Variants in XKR4 observed in about 807,000 individuals in gnomAD.
XKR4 encodes the protein XK related 4.
A neutral mutation model predicts 53.9 loss-of-function variants in XKR4; 12 were observed. The ratio of observed to expected loss-of-function variants is 0.22; its 90% CI spans 0.14 to 0.36. The LOEUF is 0.36. XKR4 is among the 10% of genes least tolerant of loss of function. XKR4 has a pLI of 1.00. For missense variants in XKR4, 799 were observed against 859.5 expected (o/e 0.93, Z 0.88); for synonymous variants, 354 against 362.4 (o/e 0.98, Z 0.26).
Position 55,102,989 on chromosome 8 carries a change from T to G in XKR4, c.501T>G (p.Phe167Leu). 1.9e-6 allele frequency: 3 copies of G among 1,612,124 alleles called. No homozygotes were observed. The highest frequency in any genetic ancestry group is 2.5e-6 in the Non-Finnish European group (3 of 1,179,860). ...TGCAAGTGTTCAGCTTCCGCTGGTT[T>G]GTGCACGATTTCAGCACCGAGGACA... ...LSVQVFSFRW[F>L]VHDFSTEDSA... Residue 167 changes from phenylalanine to leucine, a missense_variant, in exon 1 of 3, where the codon TTT (phenylalanine) becomes TTG (leucine). Physicochemically the swap from Phe to Leu is conservative, Grantham distance 22. Around this residue, in one of 3 missense-constraint regions of XKR4, gnomAD observed 476 missense variants for 505.4 expected, o/e 0.94. Coordinates refer to ENST00000327381, the MANE Select transcript of XKR4 (RefSeq NM_052898.2). This position sits in a 1 kb window ranked among gnomAD's most constrained non-coding sequence, Gnocchi z 5.1.
chr8:55,326,184 G>T (rs1338376509), intron 1 of XKR4, among the ~76,000 whole-genome samples: 1 of 152,128 alleles, frequency 6.6e-6, no homozygotes, highest in Non-Finnish European at 1.5e-5. Flanking sequence ...AGACCTGTTA[G>T]TATACTGCAA....
chr8:55,498,362 G>A (rs932995734), intron 2 of XKR4, among the ~76,000 whole-genome samples: 2 of 152,182 alleles, frequency 1.3e-5, no homozygotes, highest in South Asian at 2.1e-4. Context: ...GGTCAGGATC[G>A]TGCATGTCCC....
chr8:55,370,958 G>A (rs909589865), intron 2 of XKR4, among the ~76,000 whole-genome samples: 2 of 151,852 alleles, frequency 1.3e-5, no homozygotes, highest in African/African-American at 4.8e-5. Context: ...CAAAGACACA[G>A]CCCCCTGCTC....
At chr8:55,176,329 G>T (rs142156856) in intron 1 of XKR4, among the ~76,000 whole-genome samples, 2 of 152,188 alleles carry the variant, frequency 1.3e-5, no homozygotes, top group African/African-American at 4.8e-5. Context: ...TGTGGGGTTC[G>T]CTCTGCTAGC....
At chr8:55,320,422 C>T (rs1803188694) in intron 1 of XKR4, among the ~76,000 whole-genome samples, 1 of 152,294 alleles carries the variant, frequency 6.6e-6, no homozygotes, top group East Asian at 1.9e-4. Flanking sequence ...TCATCACCAA[C>T]AAAAGATACC....
intron 1 of XKR4, among the ~76,000 whole-genome samples, chr8:55,330,085 G>A (rs972449344): frequency 3.3e-5 from 5 of 152,140 alleles, no homozygotes; most frequent in East Asian, 3.8e-4. Context: ...CAGTATTATC[G>A]TCAGCAGCAG....
At chr8:55,393,929 A>C (rs2129389025) in intron 2 of XKR4, among the ~76,000 whole-genome samples, 1 of 152,356 alleles carries the variant, frequency 6.6e-6, no homozygotes, top group Middle Eastern at 3.4e-3. Flanking sequence ...CCTTCTGCCC[A>C]AGACAGTTCA....
chr8:55,496,284 T>G (rs16921895), intron 2 of XKR4, among the ~76,000 whole-genome samples: 7,975 of 152,314 alleles, frequency 0.052, 603 homozygotes, highest in East Asian at 0.28. Context: ...TCATTGTCTC[T>G]TATTCACCCT....
chr8:55,137,038 G>A (rs371907801), intron 1 of XKR4, among the ~76,000 whole-genome samples: 89 of 152,268 alleles, frequency 5.8e-4, no homozygotes, highest in South Asian at 1.4e-3. Context: ...CCAGAAAACC[G>A]ATAATGTTAG....
At chr8:55,334,517 G>C (rs1040703502) in intron 1 of XKR4, among the ~76,000 whole-genome samples, 1 of 152,120 alleles carries the variant, frequency 6.6e-6, no homozygotes, top group Non-Finnish European at 1.5e-5. Context: ...AGCACTTAGT[G>C]TTTTAACCAG....
intron 2 of XKR4, among the ~76,000 whole-genome samples, chr8:55,422,503 G>A (rs1241227849): frequency 1.3e-5 from 2 of 152,174 alleles, no homozygotes; most frequent in East Asian, 1.9e-4. Flanking sequence ...TACTGGCTGC[G>A]GAAGTATATT....
intron 2 of XKR4, among the ~76,000 whole-genome samples, chr8:55,481,103 C>G (rs1231376631): frequency 9.2e-5 from 14 of 152,122 alleles, no homozygotes; most frequent in Non-Finnish European, 1.8e-4. Flanking sequence ...CAATCCTAAG[C>G]CAAAAGAACA....
chr8:55,210,641 C>T (rs578213649), intron 1 of XKR4, among the ~76,000 whole-genome samples: 1 of 152,052 alleles, frequency 6.6e-6, no homozygotes, highest in African/African-American at 2.4e-5. Flanking sequence ...GGGGTGACAC[C>T]CAAGTTTTGT....
chr8:55,454,657 T>C (rs1029103745), intron 2 of XKR4: 2 of 1,004,860 alleles, frequency 2.0e-6, no homozygotes, highest in African/African-American at 3.1e-5. Flanking sequence ...CGTCAGCAGG[T>C]TCCCAATTAC....
intron 1 of XKR4, among the ~76,000 whole-genome samples, chr8:55,182,157 G>GT (rs1167145671): frequency 4.7e-5 from 7 of 150,042 alleles, no homozygotes; most frequent in Non-Finnish European, 8.9e-5. Context: ...AAAGTTAGTT[G>GT]TTTTTTTTTA....
intron 1 of XKR4, among the ~76,000 whole-genome samples, chr8:55,168,526 G>C (rs1817102799): frequency 6.6e-6 from 1 of 152,114 alleles, no homozygotes; most frequent in African/African-American, 2.4e-5. Context: ...AGTCACTCTG[G>C]AAATGTCACT....
chr8:55,147,841 A>G (rs928344460), intron 1 of XKR4, among the ~76,000 whole-genome samples: 2 of 152,182 alleles, frequency 1.3e-5, no homozygotes, highest in Non-Finnish European at 2.9e-5. Flanking sequence ...AAAGAGAAAA[A>G]TGTAACCAGA....
At position 55,523,849 on chromosome 8, in the gene XKR4, T is replaced by C. The variant is rs760647343; in HGVS notation, c.1575T>C (p.Ser525=). 1.3e-5 allele frequency: 21 copies of C among 1,614,222 alleles called. No homozygotes were observed. The highest frequency in any genetic ancestry group is 1.6e-4 in the Middle Eastern group (1 of 6,062). Reference sequence around the variant, plus strand: ...GACCCAGATTCGGGCAGTCACCAAGTTGTGCTTGTGAGGACCCAGCCGCTG... The same window carrying C: ...GACCCAGATTCGGGCAGTCACCAAGCTGTGCTTGTGAGGACCCAGCCGCTG... The part of the protein sequence containing the change: ...PNGPRFGQSP[S]CACEDPAAAF... Residue 525 remains serine (S), a synonymous_variant, in exon 3 of 3, where the codon AGT becomes AGC. Transcript: ENST00000327381.
chr8:55,150,974 C>A (rs1220274081), intron 1 of XKR4, among the ~76,000 whole-genome samples: 1 of 152,190 alleles, frequency 6.6e-6, no homozygotes, highest in African/African-American at 2.4e-5. Context: ...GAAACAGATG[C>A]TTTAGCCAAG....
Sources: allele counts gnomAD v4.1 joint callset (sites outside exome capture counted in the v4.1 genomes callset), GRCh38; gene constraint gnomAD v4.1.1; regional missense constraint gnomAD v4.1.1; non-coding constraint Gnocchi (gnomAD v3.1); transcripts MANE v1.5; gene names NCBI Gene and HGNC (gene_info 2026-07-23, HGNC 2026-07-21).